The following DDX52 variants were observed in gnomAD, a reference collection of about 807,000 sequenced individuals.
DDX52 encodes DExD-box helicase 52, also known as probable ATP-dependent RNA helicase DDX52.
In DDX52, 59 loss-of-function variants were observed where a neutral mutation model predicts 76.1. The ratio of observed to expected loss-of-function variants is 0.78; its 90% CI spans 0.63 to 0.96. The LOEUF (loss-of-function observed/expected upper bound fraction) is 0.96, where lower values mean the gene tolerates loss of function less well. Ranked by LOEUF, DDX52 falls within the 40% of genes least tolerant of loss-of-function variation. DDX52 has a pLI of 0.00. For missense variants in DDX52, 707 were observed against 703.9 expected (o/e 1.00, Z -0.05); for synonymous variants, 231 against 244.1 (o/e 0.95, Z 0.50).
chr17:37,631,125 G>A (rs2147357638), intron 4 of DDX52: 1 of 152,284 alleles, frequency 6.6e-6, no homozygotes, highest in African/African-American at 2.4e-5. Context: ...ATATCCTTTG[G>A]AAACCAGAAC....
In DDX52 at chr17:37,618,388, A is replaced by T. The variant is rs756184602; in HGVS notation, c.1650-4T>A. On this transcript the variant is annotated splice_region_variant and splice_polypyrimidine_tract_variant and intron_variant, in intron 13 of 14. Coordinates refer to ENST00000617633, the MANE Select transcript of DDX52 (RefSeq NM_007010.5). ...AATCATCTTTTTCTTTTGTTTGCTGAAAGTTACAAAGTAAAAAAGGAAAAG... is the reference window on the plus strand; with the variant it reads ...AATCATCTTTTTCTTTTGTTTGCTGTAAGTTACAAAGTAAAAAAGGAAAAG... 5 of 1,575,498 alleles carry T rather than the reference A, an allele frequency of 3.2e-6. No individual in the cohort carries two copies. The highest frequency in any genetic ancestry group is 2.0e-5 in the Admixed American group (1 of 49,982).
rs1439395806 is a variant in DDX52 at position 37,643,422 on chromosome 17, T to A, written c.-2A>T. ...GCGAAAGAGATCGTGGACGTCCATC[T>A]TTACCCAGAAAGCGCCACAGTTCTA... On this transcript the variant is annotated 5_prime_UTR_variant, in exon 1 of 15. In the 5' UTR this introduces an upstream ATG that the reference lacks. Transcript: ENST00000617633. The A allele has an allele frequency of 6.2e-7, 1 of 1,613,796 alleles. No homozygotes were observed. Among genetic ancestry groups the A allele is most frequent in the Admixed American group, 1.7e-5 (1 of 60,010 alleles).
chr17:37,613,507 A>G lies in DDX52; in HGVS notation c.*789T>C, dbSNP rs752279391. 11 of 152,218 alleles carry G rather than the reference A, an allele frequency of 7.2e-5. No homozygotes were observed. Among genetic ancestry groups the G allele is most frequent in the Non-Finnish European group, 1.5e-4 (10 of 68,046 alleles). 9.4% of individuals were successfully genotyped at this position (152,218 alleles called of 1,614,324 possible). A position where few individuals can be genotyped will look rare whatever the true frequency, so the allele number is the denominator to read the frequency against. ...TGAAGAAAGGGAGAAGCTGATCATG[A>G]TCTTGTACAACATTATGACAGCACT... On this transcript the variant is annotated 3_prime_UTR_variant, in exon 15 of 15. Transcript: ENST00000617633.
chr17:37,632,180 T>G lies in DDX52; in HGVS notation c.536A>C (p.Asn179Thr). Reference sequence around the variant, plus strand: ...CATTTGGAAACCTGCATCTAGAATGTTCTGAAGTAGTCGAGAATTGATTTT... The same window carrying G: ...CATTTGGAAACCTGCATCTAGAATGGTCTGAAGTAGTCGAGAATTGATTTT... ...EYKINSRLLQ[N>T]ILDAGFQMPT... The change falls in exon 4 of 15, where the codon AAC becomes ACC. Residue 179 changes from asparagine (N) to threonine (T), a missense_variant. Asn to Thr is a moderately conservative substitution (Grantham distance 65). Coordinates refer to ENST00000617633, the MANE Select transcript of DDX52 (RefSeq NM_007010.5). 1 of 1,613,746 alleles carries G rather than the reference T, an allele frequency of 6.2e-7. No individual in the cohort carries two copies. Among genetic ancestry groups the G allele is most frequent in the Non-Finnish European group, 8.5e-7 (1 of 1,179,950 alleles).
rs1033996764 is a variant in DDX52, at chr17:37,610,033, T to C, written c.*4263A>G. On this transcript the variant is annotated 3_prime_UTR_variant, in exon 15 of 15. Coordinates refer to ENST00000617633, the MANE Select transcript of DDX52 (RefSeq NM_007010.5). ...GCCATCCTGCCACCTTACAGTCCTT[T>C]TGTTTTTCCTATTCTTGCAGGCAAG... The C allele has an allele frequency of 1.3e-5, 2 of 152,296 alleles. No homozygotes were observed. Among genetic ancestry groups the C allele is most frequent in the Non-Finnish European group, 2.9e-5 (2 of 68,082 alleles). The allele number at this position is 152,296 out of a possible 1,614,324, so 9.4% of individuals were successfully genotyped here.
chr17:37,640,005 G>A (rs2031114480), intron 2 of DDX52, among the ~76,000 whole-genome samples: 1 of 152,212 alleles, frequency 6.6e-6, no homozygotes. Context: ...ACAGTAACAT[G>A]TCAAATTGAT....
chr17:37,632,795 C>G (rs1227782877), intron 3 of DDX52, among the ~76,000 whole-genome samples: 1 of 152,192 alleles, frequency 6.6e-6, no homozygotes, highest in Non-Finnish European at 1.5e-5. Context: ...GAATACACCT[C>G]TCCATCAGGA....
At position 37,643,407 on chromosome 17, in the gene DDX52, T is replaced by C. The variant is rs140497637; in HGVS notation, c.14A>G (p.Asp5Gly). 2,358 of 1,613,964 alleles carry C rather than the reference T, an allele frequency of 1.5e-3. 2 individuals are homozygous for C. The highest frequency in any genetic ancestry group is 1.9e-3 in the Non-Finnish European group (2,244 of 1,179,930). The change falls in exon 1 of 15, where the codon GAT becomes GGT. Residue 5 changes from aspartate (D) to glycine (G), a missense_variant. Physicochemically the swap from Asp to Gly is moderately conservative, Grantham distance 94. Coordinates refer to ENST00000617633, the MANE Select transcript of DDX52 (RefSeq NM_007010.5). MDVH[D>G]LFRRLGAGAK... The stretch of plus-strand genomic sequence containing the variant: ...CCCCGCGCCGAGCCGGCGAAAGAGA[T>C]CGTGGACGTCCATCTTTACCCAGAA...
chr17:37,641,876 CG>C (rs2031217757), intron 2 of DDX52, among the ~76,000 whole-genome samples: 1 of 152,038 alleles, frequency 6.6e-6, no homozygotes, highest in Admixed American at 6.5e-5. Flanking sequence ...TGCTACTTTT[CG>C]GATGGTATTC....
intron 6 of DDX52, 77 bp downstream of exon 6, chr17:37,628,482 ACT>A: frequency 8.3e-7 from 1 of 1,201,026 alleles, no homozygotes; most frequent in Non-Finnish European, 1.2e-6. Flanking sequence ...CTTTAACAAC[ACT>A]TACATAGCAA....
chr17:37,620,872 CCTT>C lies in DDX52; in HGVS notation c.1575_1577del (p.Arg525del), dbSNP rs1568599798. On this transcript the variant is annotated inframe_deletion and splice_region_variant, in exon 12 of 15. Coordinates refer to ENST00000617633, the MANE Select transcript of DDX52 (RefSeq NM_007010.5). ...ACACTAGGTTATTTTTTCTAATTTA[CCTT>C]CTTAATAATGGCTTATCATCCTCAG... 6 of 1,586,246 alleles carry C rather than the reference CCTT, an allele frequency of 3.8e-6. No individual in the cohort carries two copies. Among genetic ancestry groups the C allele is most frequent in the South Asian group, 1.2e-5 (1 of 85,254 alleles).
chr17:37,610,748 C>T lies in DDX52; in HGVS notation c.*3548G>A, dbSNP rs2064325978. ...TCATACAGCTACAAGCAATGAGGAT[C>T]AGGATTCAAATCCAGGCCAGTTTGA... On this transcript the variant is annotated 3_prime_UTR_variant, in exon 15 of 15. Transcript: ENST00000617633. 1 of 152,196 alleles carries T rather than the reference C, an allele frequency of 6.6e-6. No individual in the cohort carries two copies. Among genetic ancestry groups the T allele is most frequent in the East Asian group, 1.9e-4 (1 of 5,198 alleles). 9.4% of individuals were successfully genotyped at this position (152,196 alleles called of 1,614,324 possible).
In DDX52 at chr17:37,643,333, C is replaced by CCTGG; in HGVS notation, c.84_87dup (p.Ile30ProfsTer8). On this transcript the variant is annotated frameshift_variant and splice_region_variant. Transcript: ENST00000617633. LOFTEE classifies it high-confidence loss of function. ...GGCCCTCGGTCCCTTGGGCACAGTA[C>CCTGG]CTGGAATCGAGCTGCGTCTGCCGAG... is the stretch of plus-strand genomic sequence containing the variant. The CCTGG allele has an allele frequency of 2.5e-6, 4 of 1,613,702 alleles. No individual in the cohort carries two copies. Among genetic ancestry groups the CCTGG allele is most frequent in the Non-Finnish European group, 1.7e-6 (2 of 1,179,730 alleles).
intron 6 of DDX52, 21 bp downstream of exon 6, chr17:37,628,540 T>G (rs967970288): frequency 4.5e-6 from 7 of 1,549,778 alleles, no homozygotes. Context: ...TCTATCTACA[T>G]CCCATGTATG....
intron 12 of DDX52, chr17:37,620,164 C>T: frequency 3.7e-6 from 1 of 267,206 alleles, no homozygotes; most frequent in Non-Finnish European, 7.1e-6. Flanking sequence ...GTGAAAGTGC[C>T]TACTATGGGG....
intron 11 of DDX52, 85 bp from the exon 12 acceptor site, chr17:37,621,033 C>T (rs1008813675): frequency 6.4e-7 from 1 of 1,556,502 alleles, no homozygotes; most frequent in Non-Finnish European, 8.6e-7. Flanking sequence ...TGGATTTTCA[C>T]AGCACTAAGA....
In DDX52 at chr17:37,619,661, G is replaced by A; in HGVS notation, c.1649+107C>T. The A allele has an allele frequency of 4.2e-6, 4 of 959,184 alleles. No individual in the cohort carries two copies. The South Asian group carries it at 6.9e-5, about 17-fold the overall frequency. 59.4% of individuals were successfully genotyped at this position (959,184 alleles called of 1,614,324 possible). ...TAGGAGATCAAGACTACAGTGAGCT[G>A]TGATCATGCCACTGCACTGCAGTCT... On this transcript the variant is annotated intron_variant, in intron 13 of 14. Coordinates refer to ENST00000617633, the MANE Select transcript of DDX52 (RefSeq NM_007010.5).
intron 9 of DDX52, among the ~76,000 whole-genome samples, chr17:37,622,178 C>T (rs1342458444): frequency 2.1e-5 from 3 of 146,172 alleles, no homozygotes; most frequent in Non-Finnish European, 1.5e-5. Flanking sequence ...TTTTTTTTTA[C>T]TACATCTGAT....
Position 37,632,243 on chromosome 17 carries a change from T to C in DDX52, c.473A>G (p.Asp158Gly). The C allele has an allele frequency of 3.1e-6, 5 of 1,614,062 alleles. No homozygotes were observed. The highest frequency in any genetic ancestry group is 4.2e-6 in the Non-Finnish European group (5 of 1,180,016). ...AAGTTGCTGAAATGTAGCAATTGGGTCAGGAAGATCGGTTCCTTGGACGTG... is the reference window on the plus strand; with the variant it reads ...AAGTTGCTGAAATGTAGCAATTGGGCCAGGAAGATCGGTTCCTTGGACGTG... Reference protein sequence around the residue: ...KIHVQGTDLPDPIATFQQLDQ... With the variant: ...KIHVQGTDLPGPIATFQQLDQ... The change falls in exon 4 of 15, where the codon GAC becomes GGC. Residue 158 changes from aspartate to glycine, a missense_variant. Coordinates refer to ENST00000617633, the MANE Select transcript of DDX52 (RefSeq NM_007010.5).
Sources: gnomAD v4.1 joint callset for allele counts (sites outside exome capture counted in the v4.1 genomes callset) on GRCh38, gnomAD v4.1.1 for gene constraint, MANE v1.5 for transcripts, NCBI Gene and HGNC (gene_info 2026-07-23, HGNC 2026-07-21) for gene names.